Variants in TUBGCP3 observed in about 807,000 individuals in gnomAD.
TUBGCP3 encodes the protein tubulin gamma complex component 3.
A neutral mutation model predicts 123.1 loss-of-function variants in TUBGCP3; 50 were observed. That is an observed-to-expected ratio of 0.41 (90% CI 0.32 to 0.51). The LOEUF (loss-of-function observed/expected upper bound fraction) is 0.51, where lower values mean the gene tolerates loss of function less well. Among genes scored for constraint, TUBGCP3 ranks in the 20% least tolerant of loss-of-function variants. The pLI is 0.36. For missense variants in TUBGCP3, 882 were observed against 1,127.0 expected (o/e 0.78, Z 3.11); for synonymous variants, 405 against 413.9 (o/e 0.98, Z 0.26).
chr13:112,540,925 T>G lies in TUBGCP3; in HGVS notation c.1335+4774A>C, dbSNP rs532077091. On this transcript the variant is annotated intron_variant, in intron 11 of 21. Transcript: ENST00000261965. ...TCAATAGACATGCATTATTTTATTTTTAAATAAATAAAACATGAACATTAG... is the reference window on the plus strand; with the variant it reads ...TCAATAGACATGCATTATTTTATTTGTAAATAAATAAAACATGAACATTAG... 1.4e-4 allele frequency among the ~76,000 whole-genome samples: 21 copies of G among 152,358 alleles called. No individual in the cohort carries two copies. The South Asian group carries it at 4.4e-3, about 32-fold the overall frequency.
In TUBGCP3 at chr13:112,545,404, G is replaced by A. The variant is rs1473577266; in HGVS notation, c.1335+295C>T. Reference sequence around the variant, plus strand: ...CGATGATGACTGCCCCAAGACTCAGGAGGCCTCGTCCTGTTTTGCCATCCA... The same window carrying A: ...CGATGATGACTGCCCCAAGACTCAGAAGGCCTCGTCCTGTTTTGCCATCCA... On this transcript the variant is annotated intron_variant, in intron 11 of 21. Transcript: ENST00000261965. The surrounding 1 kb of genome is among the most constrained non-coding windows in gnomAD (Gnocchi z 4.1). The A allele has an allele frequency of 2.6e-5, 9 of 341,294 alleles. No homozygotes were observed. Among genetic ancestry groups the A allele is most frequent in the East Asian group, 1.0e-4 (2 of 19,500 alleles). 21.1% of individuals were successfully genotyped at this position (341,294 alleles called of 1,614,324 possible).
chr13:112,587,851 A>T, intron 1 of TUBGCP3, 54 bp downstream of exon 1: 1 of 1,480,156 alleles, frequency 6.8e-7, no homozygotes, highest in Non-Finnish European at 9.2e-7. Context: ...CTGCACGCGC[A>T]GGGAGCAGCC....
At chr13:112,517,505 C>G (rs923761289) in intron 16 of TUBGCP3, among the ~76,000 whole-genome samples, 1 of 152,166 alleles carries the variant, frequency 6.6e-6, no homozygotes. Context: ...ATAATCGATG[C>G]AATTATCTGT....
chr13:112,518,848 G>A, intron 16 of TUBGCP3, 127 bp downstream of exon 16: 1 of 760,130 alleles, frequency 1.3e-6, no homozygotes. Flanking sequence ...TTCATTCAAT[G>A]AGTAGATCTT....
chr13:112,605,075 G>A, the TUBGCP3 span: 5 of 152,224 alleles, frequency 3.3e-5, no homozygotes, highest in Non-Finnish European at 7.3e-5. Context: ...GGAAGGCCGA[G>A]GCGGGCAGAT....
At chr13:112,497,394 G>A (rs1051805655) in intron 20 of TUBGCP3, among the ~76,000 whole-genome samples, 3 of 152,180 alleles carry the variant, frequency 2.0e-5, no homozygotes, top group African/African-American at 7.2e-5. Flanking sequence ...AGCCCTTAGC[G>A]ATACAAATGT....
chr13:112,496,855 A>G (rs1317719584), intron 20 of TUBGCP3, among the ~76,000 whole-genome samples: 3 of 152,260 alleles, frequency 2.0e-5, no homozygotes, highest in South Asian at 2.1e-4. Flanking sequence ...GCATGGTGGC[A>G]GGCACCTGTA....
chr13:112,496,159 C>G (rs751910999), intron 20 of TUBGCP3, among the ~76,000 whole-genome samples: 1 of 152,052 alleles, frequency 6.6e-6, no homozygotes, highest in Non-Finnish European at 1.5e-5. Context: ...GTTTTCAACA[C>G]TGGAGATATA....
At position 112,551,373 on chromosome 13, in the gene TUBGCP3, A is replaced by C. The variant is rs74513196; in HGVS notation, c.966+2684T>G. On this transcript the variant is annotated intron_variant, in intron 8 of 21. Coordinates refer to ENST00000261965, the MANE Select transcript of TUBGCP3 (RefSeq NM_006322.6). ...CTTCATTCATATATGATTTTGCTCC[A>C]TTTGGTATGTCTAGAGCCAGGACAC... 5.4e-5 allele frequency among the ~76,000 whole-genome samples: 8 copies of C among 147,544 alleles called. No homozygotes were observed. In the East Asian group the frequency reaches 1.4e-3, roughly 26 times the overall value.
At chr13:112,518,002 A>G (rs1876293918) in intron 16 of TUBGCP3, among the ~76,000 whole-genome samples, 1 of 152,244 alleles carries the variant, frequency 6.6e-6, no homozygotes, top group Non-Finnish European at 1.5e-5. Flanking sequence ...GCTAATTTGA[A>G]TATGATGAGA....
Position 112,558,242 on chromosome 13 carries a change from A to T in TUBGCP3, c.502T>A (p.Cys168Ser). 6.2e-7 allele frequency: 1 copy of T among 1,612,472 alleles called. No individual in the cohort carries two copies. The highest frequency in any genetic ancestry group is 1.1e-5 in the South Asian group (1 of 90,976). The change falls in exon 5 of 22, where the codon TGT becomes AGT. Residue 168 changes from cysteine (C) to serine (S), a missense_variant. By Grantham distance (112) the Cys-to-Ser change is moderately radical (BLOSUM62 -1). Around this residue, in one of 3 missense-constraint regions of TUBGCP3, gnomAD observed 713 missense variants for 874.0 expected, o/e 0.82. Coordinates refer to ENST00000261965, the MANE Select transcript of TUBGCP3 (RefSeq NM_006322.6). ...GCAGGCGCGGGGCCACTGAGGGCAC[A>T]CAGGCCAATGCTGCTGATGCCACTG... ...GSSGISSIGL[C>S]ALSGPAPAPQ...
chr13:112,503,363 G>T (rs1375922574), intron 19 of TUBGCP3, among the ~76,000 whole-genome samples: 4 of 152,046 alleles, frequency 2.6e-5, no homozygotes, highest in African/African-American at 7.2e-5. Context: ...GTTTTTTGTT[G>T]TTGTTGTTGT....
the TUBGCP3 span, among the ~76,000 whole-genome samples, chr13:112,598,544 A>G: frequency 6.6e-6 from 1 of 152,202 alleles, no homozygotes; most frequent in African/African-American, 2.4e-5. Flanking sequence ...TAAAAGAGGT[A>G]AAAGTACCAT....
At chr13:112,595,943 T>C in the TUBGCP3 span, among the ~76,000 whole-genome samples, 1 of 152,230 alleles carries the variant, frequency 6.6e-6, no homozygotes, top group African/African-American at 2.4e-5. Context: ...GATTTGTCCA[T>C]AATGTTTCCC....
Position 112,556,163 on chromosome 13 carries a change from C to A in TUBGCP3, c.610G>T (p.Ala204Ser). The A allele has an allele frequency of 1.2e-6, 2 of 1,614,130 alleles. No individual in the cohort carries two copies. Among genetic ancestry groups the A allele is most frequent in the East Asian group, 2.2e-5 (1 of 44,862 alleles). The change falls in exon 6 of 22, where the codon GCA (alanine) becomes TCA (serine). Residue 204 changes from alanine to serine, a missense_variant. Ala to Ser is a moderately conservative substitution (Grantham distance 99). Coordinates refer to ENST00000261965, the MANE Select transcript of TUBGCP3 (RefSeq NM_006322.6). ...CLRQQLGSRL[A>S]WTLTANQPSS... The stretch of plus-strand genomic sequence containing the variant: ...GGCTGATTTGCAGTTAAAGTCCATG[C>A]GAGTCGTGACCCCAACTGCTGTCGA...
chr13:112,554,488 A>G (rs1440299554), intron 7 of TUBGCP3, among the ~76,000 whole-genome samples: 1 of 152,220 alleles, frequency 6.6e-6, no homozygotes, highest in Non-Finnish European at 1.5e-5. Flanking sequence ...GACCCACACC[A>G]CAAGAAATGG....
At chr13:112,592,334 G>A (rs541436813), upstream of TUBGCP3, among the ~76,000 whole-genome samples, 4 of 152,300 alleles carry the variant, frequency 2.6e-5, no homozygotes, top group South Asian at 4.1e-4. The surrounding 1 kb of genome is among the most constrained non-coding windows in gnomAD (Gnocchi z 4.1). Context: ...GAGAGGGGCC[G>A]GCTGCCAGGT....
Position 112,568,884 on chromosome 13 carries a change from AC to A in TUBGCP3, c.184+267del, listed in dbSNP as rs552262133. 1.1e-4 allele frequency among the ~76,000 whole-genome samples: 17 copies of A among 152,324 alleles called. No homozygotes were observed. The South Asian group carries it at 3.5e-3, about 32-fold the overall frequency. ...CCAGGGATAATCAGATAACCTACTC[AC>A]CAACCAAAAGCTAACAAATGGAAAG... On this transcript the variant is annotated intron_variant, in intron 2 of 21. Coordinates refer to ENST00000261965, the MANE Select transcript of TUBGCP3 (RefSeq NM_006322.6).
At chr13:112,601,008 C>T in the TUBGCP3 span, among the ~76,000 whole-genome samples, 1 of 151,794 alleles carries the variant, frequency 6.6e-6, no homozygotes, top group African/African-American at 2.4e-5. Context: ...GCCAACATGG[C>T]GAAACCCCGT....
Sources: allele counts gnomAD v4.1 joint callset (sites outside exome capture counted in the v4.1 genomes callset), GRCh38; gene constraint gnomAD v4.1.1; regional missense constraint gnomAD v4.1.1; non-coding constraint Gnocchi (gnomAD v3.1); transcripts MANE v1.5; gene names NCBI Gene and HGNC (gene_info 2026-07-23, HGNC 2026-07-21).